The following DLGAP1 variants were observed in gnomAD, a reference collection of about 807,000 sequenced individuals.
DLGAP1 encodes disks large-associated protein 1.
A neutral mutation model predicts 90.8 loss-of-function variants in DLGAP1; 11 were observed. The observed-to-expected ratio is 0.12, with a 90% CI of 0.08 to 0.20. DLGAP1 has a LOEUF of 0.20. Ranked by LOEUF, DLGAP1 falls within the 10% of genes least tolerant of loss-of-function variation. The pLI, the probability that DLGAP1 is intolerant of heterozygous loss-of-function variation, is 1.00. For missense variants in DLGAP1, 1,050 were observed against 1,333.8 expected (o/e 0.79, Z 3.31); for synonymous variants, 558 against 540.7 (o/e 1.03, Z -0.44).
chr18:3,828,149 T>A (rs2067823896), intron 4 of DLGAP1, among the ~76,000 whole-genome samples: 1 of 152,172 alleles, frequency 6.6e-6, no homozygotes, highest in Admixed American at 6.5e-5. Flanking sequence ...CATGTCTTTT[T>A]AAAGAGGTCC....
At chr18:3,707,035 T>G (rs2061455109) in intron 7 of DLGAP1, among the ~76,000 whole-genome samples, 1 of 152,190 alleles carries the variant, frequency 6.6e-6, no homozygotes, top group Admixed American at 6.6e-5. Context: ...CATGCAATTG[T>G]GGGTTACATG....
intron 2 of DLGAP1, among the ~76,000 whole-genome samples, chr18:4,052,491 C>T (rs924023771): frequency 3.9e-5 from 6 of 152,068 alleles, no homozygotes; most frequent in African/African-American, 1.4e-4. Flanking sequence ...GGGACACAGT[C>T]CCGAGGCTGG....
chr18:4,230,980 C>CTGTCCGTGGTACT (rs2078287911), intron 1 of DLGAP1, among the ~76,000 whole-genome samples: 1 of 151,958 alleles, frequency 6.6e-6, no homozygotes, highest in Admixed American at 6.6e-5. Flanking sequence ...GCTGTGGTAG[C>CTGTCCGTGGTACT]TGTCCGTGGT....
chr18:3,975,137 T>G (rs2073542862), intron 3 of DLGAP1, among the ~76,000 whole-genome samples: 1 of 152,128 alleles, frequency 6.6e-6, no homozygotes, highest in Non-Finnish European at 1.5e-5. Flanking sequence ...TTAACACTAT[T>G]GAACTGTACA....
intron 3 of DLGAP1, among the ~76,000 whole-genome samples, chr18:3,936,984 C>T (rs1454972813): frequency 6.6e-6 from 1 of 152,136 alleles, no homozygotes; most frequent in African/African-American, 2.4e-5. Flanking sequence ...TTATTTAAAA[C>T]CAGTTTGCAG....
intron 7 of DLGAP1, among the ~76,000 whole-genome samples, chr18:3,658,384 G>T (rs1196511871): frequency 6.6e-6 from 1 of 152,170 alleles, no homozygotes; most frequent in Non-Finnish European, 1.5e-5. Flanking sequence ...CCGCTTTAGG[G>T]CACCACTGCC....
chr18:4,315,435 T>C (rs949388079), intron 1 of DLGAP1, among the ~76,000 whole-genome samples: 1 of 152,266 alleles, frequency 6.6e-6, no homozygotes, highest in Non-Finnish European at 1.5e-5. Context: ...TTTCTCCTGC[T>C]AATTAGCTTT....
At chr18:3,919,348 TA>T (rs1253346215) in intron 3 of DLGAP1, among the ~76,000 whole-genome samples, 2 of 152,232 alleles carry the variant, frequency 1.3e-5, no homozygotes, top group African/African-American at 4.8e-5. Context: ...TTTAGTTCAC[TA>T]AAAATGCAGA....
At chr18:3,712,645 G>T (rs934045675) in intron 7 of DLGAP1, among the ~76,000 whole-genome samples, 1 of 152,186 alleles carries the variant, frequency 6.6e-6, no homozygotes, top group East Asian at 1.9e-4. Flanking sequence ...GGTGTCAGGG[G>T]GCTAATTACT....
intron 9 of DLGAP1, among the ~76,000 whole-genome samples, chr18:3,544,047 A>T (rs1275600616): frequency 6.6e-6 from 1 of 152,192 alleles, no homozygotes. Context: ...ATGTGGCAAA[A>T]ATATCTTTTT....
At chr18:3,572,090 T>TTTTTTTTTTTTTC (rs1555684210) in intron 8 of DLGAP1, among the ~76,000 whole-genome samples, 5 of 105,744 alleles carry the variant, frequency 4.7e-5, no homozygotes, top group Admixed American at 2.0e-4. Context: ...TTTTTTTTTT[T>TTTTTTTTTTTTTC]CTTTTGAGAC....
At chr18:3,916,399 G>C (rs1165014252) in intron 3 of DLGAP1, among the ~76,000 whole-genome samples, 1 of 152,144 alleles carries the variant, frequency 6.6e-6, no homozygotes, top group Non-Finnish European at 1.5e-5. Context: ...GCTGGCCTCA[G>C]ATAAGAACAG....
chr18:4,362,217 C>G (rs547929224), intron 1 of DLGAP1, among the ~76,000 whole-genome samples: 2 of 152,102 alleles, frequency 1.3e-5, no homozygotes, highest in Non-Finnish European at 2.9e-5. Context: ...TATGATCCAG[C>G]AAGTCAACCT....
chr18:3,620,796 G>A (rs554979659), intron 7 of DLGAP1, among the ~76,000 whole-genome samples: 1 of 152,276 alleles, frequency 6.6e-6, no homozygotes, highest in South Asian at 2.1e-4. Context: ...GACCTCAGGT[G>A]ATCCGCCCAC....
chr18:3,625,167 T>G (rs1371204237), intron 7 of DLGAP1, among the ~76,000 whole-genome samples: 1 of 152,240 alleles, frequency 6.6e-6, no homozygotes, highest in African/African-American at 2.4e-5. Flanking sequence ...GATGAAGCCC[T>G]AGTCATTAAA....
At chr18:4,083,738 G>A (rs1388653871) in intron 2 of DLGAP1, among the ~76,000 whole-genome samples, 4 of 152,076 alleles carry the variant, frequency 2.6e-5, no homozygotes, top group Non-Finnish European at 5.9e-5. Context: ...AATTCCTAGG[G>A]GGAGCATGCA....
rs573089071 is a variant in DLGAP1, at chr18:3,619,949, C to T, written c.1592-37701G>A. On this transcript the variant is annotated intron_variant, in intron 7 of 12. Coordinates refer to ENST00000315677, the MANE Select transcript of DLGAP1 (RefSeq NM_004746.4). Reference sequence around the variant, plus strand: ...CTCCCACCTCAGCCTCCTAAGTAGCCGGAACTATAGGTGCATGCCACCATG... The same window carrying T: ...CTCCCACCTCAGCCTCCTAAGTAGCTGGAACTATAGGTGCATGCCACCATG... Among the ~76,000 whole-genome samples, 326 of 151,662 alleles carry T rather than the reference C, an allele frequency of 2.1e-3. 2 individuals are homozygous for T. The highest frequency in any genetic ancestry group is 7.4e-3 in the African/African-American group (304 of 41,288).
chr18:3,972,230 G>T (rs1205470590), intron 3 of DLGAP1, among the ~76,000 whole-genome samples: 1 of 151,918 alleles, frequency 6.6e-6, no homozygotes, highest in East Asian at 1.9e-4. Context: ...TATATCACTA[G>T]GCCGGGCATG....
intron 4 of DLGAP1, among the ~76,000 whole-genome samples, chr18:3,848,969 C>T (rs1416812144): frequency 6.6e-6 from 1 of 152,158 alleles, no homozygotes; most frequent in African/African-American, 2.4e-5. Context: ...CCTCTGGGGC[C>T]CTGTGACATG....
Sources: gnomAD v4.1 joint callset for allele counts (sites outside exome capture counted in the v4.1 genomes callset) on GRCh38, gnomAD v4.1.1 for gene constraint, MANE v1.5 for transcripts, NCBI Gene and HGNC (gene_info 2026-07-23, HGNC 2026-07-21) for gene names.